PCDHGA11: variants seen among roughly 807,000 people sequenced by gnomAD.
PCDHGA11 encodes the protein protocadherin gamma subfamily A, 11.
Under a neutral mutation model 60.4 loss-of-function variants are expected in PCDHGA11, and 39 were observed. That is an observed-to-expected ratio of 0.65 (90% confidence interval 0.50 to 0.84). PCDHGA11 has a LOEUF of 0.84. PCDHGA11 is among the 40% of genes least tolerant of loss of function. The probability of loss-of-function intolerance (pLI) is 0.00; values close to 1 mark genes in which losing one functional copy is unlikely to be tolerated. For missense variants in PCDHGA11, 1,165 were observed against 1,197.7 expected, an observed-to-expected ratio of 0.97 and a Z score of 0.40; for synonymous variants, 533 against 510.3, an observed-to-expected ratio of 1.04 and a Z score of -0.60.
chr5:141,505,634 A>T, intron 3 of PCDHGA11, 153 bp downstream of exon 3: 6 of 971,426 alleles, frequency 6.2e-6, no homozygotes, highest in Non-Finnish European at 7.3e-6. Context: ...CCAAACATAA[A>T]GCCTGGAATT....
intron 1 of PCDHGA11, among the ~76,000 whole-genome samples, chr5:141,446,153 AT>A (rs1158236808): frequency 1.3e-5 from 2 of 152,362 alleles, no homozygotes; most frequent in East Asian, 3.9e-4. Flanking sequence ...TAGGTGGAAT[AT>A]AAATTTCATG....
At position 141,477,067 on chromosome 5, in the gene PCDHGA11, C is replaced by G. The variant is rs370882752; in HGVS notation, c.2434-17740C>G. 5.6e-5 allele frequency: 91 copies of G among 1,614,116 alleles called. No individual in the cohort carries two copies. Among genetic ancestry groups the G allele is most frequent in the Non-Finnish European group, 7.7e-5 (91 of 1,180,042 alleles). ...GGCTGGACTTCGAGGACACCAAACT[C>G]CATGAGATTTACATCCAGGCCAAAG... On this transcript the variant is annotated intron_variant, in intron 1 of 3. Transcript: ENST00000398587. This position sits in a 1 kb window ranked among gnomAD's most constrained non-coding sequence, Gnocchi z 4.9.
chr5:141,470,671 C>T (rs2099236433), intron 1 of PCDHGA11, among the ~76,000 whole-genome samples: 1 of 152,064 alleles, frequency 6.6e-6, no homozygotes, highest in African/African-American at 2.4e-5. Context: ...TAGGGCTCTG[C>T]TGTTACCATC....
intron 1 of PCDHGA11, among the ~76,000 whole-genome samples, chr5:141,474,294 G>A (rs535055214): frequency 1.3e-5 from 2 of 152,296 alleles, no homozygotes; most frequent in African/African-American, 4.8e-5. Context: ...CTAGATCAGT[G>A]CTTGTCAAAC....
Position 141,432,208 on chromosome 5 carries a change from G to A in PCDHGA11, c.2433+8548G>A, listed in dbSNP as rs150518735. The A allele has an allele frequency of 3.4e-5, 55 of 1,614,196 alleles. No individual in the cohort carries two copies. In the Middle Eastern group the frequency reaches 8.2e-4, roughly 24 times the overall value. Reference sequence around the variant, plus strand: ...CCGCCCACGACCCCGACTGTGAAGAGAACGCCCAGATCACTTATTCCCTGG... The same window carrying A: ...CCGCCCACGACCCCGACTGTGAAGAAAACGCCCAGATCACTTATTCCCTGG... On this transcript the variant is annotated intron_variant, in intron 1 of 3. Transcript: ENST00000398587. The surrounding 1 kb of genome is among the most constrained non-coding windows in gnomAD (Gnocchi z 6.0).
chr5:141,466,975 A>G (rs769024064), intron 1 of PCDHGA11, among the ~76,000 whole-genome samples: 1 of 151,842 alleles, frequency 6.6e-6, no homozygotes, highest in Non-Finnish European at 1.5e-5. Flanking sequence ...CTCACAGCTC[A>G]TCATTTACCT....
intron 1 of PCDHGA11, chr5:141,426,887 G>C (rs1309180455): frequency 6.6e-6 from 3 of 456,646 alleles, no homozygotes; most frequent in South Asian, 4.6e-5. Context: ...TGGGCCAGGA[G>C]CAACAGAGCT....
intron 1 of PCDHGA11, 82 bp from the exon 2 acceptor site, chr5:141,494,725 C>G: frequency 6.2e-7 from 1 of 1,610,026 alleles, no homozygotes; most frequent in East Asian, 2.2e-5. Flanking sequence ...CCCTCCTTCT[C>G]TCCCGGCCCA....
Position 141,422,597 on chromosome 5 carries a change from C to T in PCDHGA11, c.1370C>T (p.Ser457Phe). 1 of 1,614,102 alleles carries T rather than the reference C, an allele frequency of 6.2e-7. No homozygotes were observed. The highest frequency in any genetic ancestry group is 8.5e-7 in the Non-Finnish European group (1 of 1,179,990). The change falls in exon 1 of 4, where the codon TCT becomes TTT. Residue 457 changes from serine (S) to phenylalanine (F), a missense_variant. By Grantham distance (155) the Ser-to-Phe change is radical (BLOSUM62 -2). Transcript: ENST00000398587. ...AACCCTCCCGTTTTTCCTCACTCCT[C>T]TTACTCTGCCTACATTCCCGAAAAC... ...NDNPPVFPHS[S>F]YSAYIPENNP...
At chr5:141,483,242 C>T (rs2099578681) in intron 1 of PCDHGA11, among the ~76,000 whole-genome samples, 1 of 151,558 alleles carries the variant, frequency 6.6e-6, no homozygotes, top group African/African-American at 2.4e-5. Flanking sequence ...AACTGATATG[C>T]ATATATCATG....
chr5:141,475,821 G>T, intron 1 of PCDHGA11: 1 of 352,534 alleles, frequency 2.8e-6, no homozygotes, highest in Non-Finnish European at 5.1e-6. Context: ...AGTTCCTGGC[G>T]CTAGCGCGTG....
chr5:141,481,208 A>G lies in PCDHGA11; in HGVS notation c.2434-13599A>G, dbSNP rs116577118. On this transcript the variant is annotated intron_variant, in intron 1 of 3. Coordinates refer to ENST00000398587, the MANE Select transcript of PCDHGA11 (RefSeq NM_018914.3). ...GCCAGGCCCAATTTTTTTAAAAAACATGGTAAGGTCTCCCAGCCTTAAAGT... is the reference window on the plus strand; with the variant it reads ...GCCAGGCCCAATTTTTTTAAAAAACGTGGTAAGGTCTCCCAGCCTTAAAGT... 3.5e-3 allele frequency among the ~76,000 whole-genome samples: 528 copies of G among 152,350 alleles called. 2 individuals carry two copies. Among genetic ancestry groups the G allele is most frequent in the African/African-American group, 0.012 (490 of 41,572 alleles).
chr5:141,426,317 C>A, intron 1 of PCDHGA11: 1 of 173,952 alleles, frequency 5.7e-6, no homozygotes, highest in African/African-American at 2.4e-5. Flanking sequence ...AGAAGCAGGA[C>A]CCGGCAGTGG....
At chr5:141,427,115 C>G (rs1276437779) in intron 1 of PCDHGA11, 5 of 457,520 alleles carry the variant, frequency 1.1e-5, no homozygotes, top group African/African-American at 1.0e-4. Flanking sequence ...AGATCACCTA[C>G]TCTTTCAAAT....
At chr5:141,455,984 G>A (rs1405675950) in intron 1 of PCDHGA11, among the ~76,000 whole-genome samples, 2 of 151,492 alleles carry the variant, frequency 1.3e-5, no homozygotes, top group East Asian at 1.9e-4. Context: ...TGCAAGCTCC[G>A]CCTCTCGGGT....
chr5:141,431,498 T>C lies in PCDHGA11; in HGVS notation c.2433+7838T>C, dbSNP rs1274311782. On this transcript the variant is annotated intron_variant, in intron 1 of 3. Coordinates refer to ENST00000398587, the MANE Select transcript of PCDHGA11 (RefSeq NM_018914.3). The surrounding 1 kb of genome is among the most constrained non-coding windows in gnomAD (Gnocchi z 4.8). ...CGCACCAGCGTTTGCTCAGCCCGAG[T>C]ACCGCGCGAGCGTTCCGGAGAATCT... The C allele has an allele frequency of 6.2e-7, 1 of 1,613,992 alleles. No homozygotes were observed. Among genetic ancestry groups the C allele is most frequent in the Non-Finnish European group, 8.5e-7 (1 of 1,180,034 alleles).
rs764957747 is a variant in PCDHGA11, at chr5:141,505,453, G to A, written c.2553G>A (p.Leu851=). Residue 851 remains leucine (L), a synonymous_variant, in exon 3 of 4, where the codon CTG becomes CTA. Coordinates refer to ENST00000398587, the MANE Select transcript of PCDHGA11 (RefSeq NM_018914.3). ...ACAACCAGTTTGACACAGAGATGCT[G>A]CAAGCCATGATCTTGGCGTCCGCCA... ...WPNNQFDTEM[L]QAMILASASE... 3 of 1,614,190 alleles carry A rather than the reference G, an allele frequency of 1.9e-6. No individual in the cohort carries two copies. Among genetic ancestry groups the A allele is most frequent in the Non-Finnish European group, 2.5e-6 (3 of 1,180,012 alleles).
intron 1 of PCDHGA11, among the ~76,000 whole-genome samples, chr5:141,438,623 TATATATATATATACACACAC>T (rs1272037524): frequency 7.0e-5 from 3 of 42,840 alleles, no homozygotes; most frequent in African/African-American, 1.6e-4. Flanking sequence ...TATATATATA[TATATATATATATACACACAC>T]ACACACACAT....
chr5:141,460,783 T>G (rs1000959104), intron 1 of PCDHGA11, among the ~76,000 whole-genome samples: 1 of 152,030 alleles, frequency 6.6e-6, no homozygotes, highest in Non-Finnish European at 1.5e-5. Flanking sequence ...TGTATACATA[T>G]ATACACACAA....
Sources: gnomAD v4.1 joint callset for allele counts (sites outside exome capture counted in the v4.1 genomes callset) on GRCh38, gnomAD v4.1.1 for gene constraint, Gnocchi (gnomAD v3.1) non-coding constraint, MANE v1.5 for transcripts, NCBI Gene and HGNC (gene_info 2026-07-23, HGNC 2026-07-21) for gene names.